The following C1QTNF7 variants were observed in gnomAD, a reference collection of about 807,000 sequenced individuals.
C1QTNF7 encodes C1q and TNF related 7, also known as complement C1q tumor necrosis factor-related protein 7.
A neutral mutation model predicts 19.6 loss-of-function variants in C1QTNF7; 15 were observed. That is an observed-to-expected ratio of 0.76 (90% CI 0.51 to 1.18). The LOEUF (loss-of-function observed/expected upper bound fraction) is 1.18, where lower values mean the gene tolerates loss of function less well. C1QTNF7 is among the 50% of genes most tolerant of loss of function. The pLI, the probability that C1QTNF7 is intolerant of heterozygous loss-of-function variation, is 0.00. For missense variants in C1QTNF7, 324 were observed against 359.7 expected, an observed-to-expected ratio of 0.90 and a Z score of 0.80; for synonymous variants, 142 against 137.5, an observed-to-expected ratio of 1.03 and a Z score of -0.23.
At chr4:15,339,805 G>A (rs764022374), upstream of C1QTNF7, 12 of 259,390 alleles carry the variant, frequency 4.6e-5, no homozygotes, top group Non-Finnish European at 7.4e-5. Context: ...ATTTGCCTCA[G>A]TCTGGGGTTT....
Position 15,442,858 on chromosome 4 carries a change from A to T in C1QTNF7, c.*59A>T. ...TTGAATCTGGGGTTCCAGAAGGTGG[A>T]ACAAGCAGGAATGGGATCCAAAGAG... On this transcript the variant is annotated 3_prime_UTR_variant, in exon 3 of 3. Coordinates refer to ENST00000444304, the MANE Select transcript of C1QTNF7 (RefSeq NM_031911.5). 1.3e-6 allele frequency: 2 copies of T among 1,481,954 alleles called. No homozygotes were observed. The highest frequency in any genetic ancestry group is 1.8e-6 in the Non-Finnish European group (2 of 1,111,178). 91.8% of individuals were successfully genotyped at this position (1,481,954 alleles called of 1,614,324 possible). A position where few individuals can be genotyped will look rare whatever the true frequency, so the allele number is the denominator to read the frequency against.
chr4:15,436,627 C>T (rs1441385068), intron 2 of C1QTNF7, among the ~76,000 whole-genome samples: 2 of 152,216 alleles, frequency 1.3e-5, no homozygotes, highest in Non-Finnish European at 2.9e-5. Context: ...TTTACAGCAA[C>T]ACAATTGCCC....
At chr4:15,343,218 C>A (rs1385425672) in intron 1 of C1QTNF7, among the ~76,000 whole-genome samples, 1 of 152,158 alleles carries the variant, frequency 6.6e-6, no homozygotes, top group Non-Finnish European at 1.5e-5. Flanking sequence ...GACCATGAAA[C>A]CACTTTTTCT....
chr4:15,362,111 A>C (rs776362500), intron 1 of C1QTNF7, among the ~76,000 whole-genome samples: 8 of 152,210 alleles, frequency 5.3e-5, no homozygotes, highest in Admixed American at 1.3e-4. Context: ...GGGGGTAAAC[A>C]TAGTACCTAC....
chr4:15,402,340 GTAT>G (rs1251618983), intron 1 of C1QTNF7, among the ~76,000 whole-genome samples: 1 of 152,182 alleles, frequency 6.6e-6, no homozygotes, highest in Non-Finnish European at 1.5e-5. Context: ...TTCAAGGACT[GTAT>G]TAACAAAGCC....
At chr4:15,419,857 C>G (rs1013111405) in intron 1 of C1QTNF7, 10 of 151,898 alleles carry the variant, frequency 6.6e-5, no homozygotes, top group African/African-American at 2.4e-4. Flanking sequence ...ACCAAACAAA[C>G]CAAATCTGTG....
At chr4:15,354,445 G>A (rs74335498) in intron 1 of C1QTNF7, among the ~76,000 whole-genome samples, 2,450 of 152,176 alleles carry the variant, frequency 0.016, 67 homozygotes, top group African/African-American at 0.056. Flanking sequence ...ACTGGATGTG[G>A]GGAGGCCAGA....
intron 1 of C1QTNF7, among the ~76,000 whole-genome samples, chr4:15,344,067 C>G (rs959439768): frequency 2.6e-5 from 4 of 152,126 alleles, no homozygotes; most frequent in Non-Finnish European, 5.9e-5. Flanking sequence ...AAGGGCCTTC[C>G]AGGCAGAGAG....
intron 1 of C1QTNF7, among the ~76,000 whole-genome samples, chr4:15,350,321 AAG>A (rs1491583509): frequency 4.0e-5 from 2 of 50,194 alleles, no homozygotes; most frequent in African/African-American, 2.0e-4. Context: ...GGAGGGAAGG[AAG>A]GAGGAAAGAA....
At chr4:15,371,149 C>T (rs907606923) in intron 1 of C1QTNF7, among the ~76,000 whole-genome samples, 2 of 152,204 alleles carry the variant, frequency 1.3e-5, no homozygotes, top group African/African-American at 4.8e-5. Flanking sequence ...GGCTGTGCTG[C>T]CCTTGCAGGA....
At chr4:15,433,998 T>A (rs1163283990) in intron 1 of C1QTNF7, among the ~76,000 whole-genome samples, 1 of 152,196 alleles carries the variant, frequency 6.6e-6, no homozygotes, top group Non-Finnish European at 1.5e-5. Flanking sequence ...TCCATATATT[T>A]TTTTTTCATC....
intron 1 of C1QTNF7, among the ~76,000 whole-genome samples, chr4:15,352,522 T>C (rs1217668454): frequency 6.6e-6 from 1 of 152,130 alleles, no homozygotes; most frequent in Non-Finnish European, 1.5e-5. Flanking sequence ...CCCAACACCA[T>C]GGCCTCTGAA....
chr4:15,351,180 C>T (rs190357769), intron 1 of C1QTNF7, among the ~76,000 whole-genome samples: 1 of 152,270 alleles, frequency 6.6e-6, no homozygotes, highest in East Asian at 1.9e-4. Flanking sequence ...GAAAAGAAAG[C>T]ATTAGGTATG....
At chr4:15,387,241 G>C (rs1353497957) in intron 1 of C1QTNF7, among the ~76,000 whole-genome samples, 1 of 152,206 alleles carries the variant, frequency 6.6e-6, no homozygotes, top group Non-Finnish European at 1.5e-5. Flanking sequence ...GACAGGTTGA[G>C]AGAGAGCAAG....
At chr4:15,381,798 A>G (rs755049989) in intron 1 of C1QTNF7, 1 of 152,164 alleles carries the variant, frequency 6.6e-6, no homozygotes, top group Non-Finnish European at 1.5e-5. Context: ...ATGGAACCCA[A>G]CTCAGACAGG....
rs757739083 is a variant in C1QTNF7, at chr4:15,372,702, T to C, written c.13+32495T>C. On this transcript the variant is annotated intron_variant, in intron 1 of 2. Coordinates refer to the C1QTNF7 transcript ENST00000295297. ...TCTTGATTCATTTGATCTTTGTTCA[T>C]GGCTACTTCAAAAATAAAGACATTC... Among the ~76,000 whole-genome samples, 165 of 152,258 alleles carry C rather than the reference T, an allele frequency of 1.1e-3. 2 individuals carry two copies. The highest frequency in any genetic ancestry group is 3.8e-4 in the East Asian group (2 of 5,206).
intron 1 of C1QTNF7, among the ~76,000 whole-genome samples, chr4:15,432,643 C>T (rs547020399): frequency 2.5e-4 from 38 of 152,284 alleles, no homozygotes; most frequent in African/African-American, 9.1e-4. Context: ...GATCCTCCAA[C>T]CTTGGCCACC....
chr4:15,359,559 A>G (rs960030673), intron 1 of C1QTNF7, among the ~76,000 whole-genome samples: 3 of 152,148 alleles, frequency 2.0e-5, no homozygotes, highest in Admixed American at 2.0e-4. Flanking sequence ...AATCCCAAAT[A>G]CTTCCAAGGG....
intron 1 of C1QTNF7, chr4:15,419,842 C>T (rs573720971): frequency 1.3e-5 from 2 of 152,076 alleles, no homozygotes; most frequent in African/African-American, 4.8e-5. Flanking sequence ...CACGGCCAAA[C>T]AAAAACCAAA....
Sources: gnomAD v4.1 joint callset for allele counts (sites outside exome capture counted in the v4.1 genomes callset) on GRCh38, gnomAD v4.1.1 for gene constraint, MANE v1.5 for transcripts, NCBI Gene and HGNC (gene_info 2026-07-23, HGNC 2026-07-21) for gene names.